INSC: variants seen among roughly 807,000 people sequenced by gnomAD.
INSC encodes the protein protein inscuteable homolog.
Under a neutral mutation model 58.6 loss-of-function variants are expected in INSC, and 67 were observed. The observed-to-expected ratio is 1.14, with a 90% confidence interval of 0.94 to 1.40. The LOEUF (loss-of-function observed/expected upper bound fraction) is 1.40. Ranked by LOEUF, INSC falls within the 40% of genes most tolerant of loss-of-function variation. The probability of loss-of-function intolerance (pLI) is 0.00; values close to 1 mark genes in which losing one functional copy is unlikely to be tolerated. For synonymous variants in INSC, 262 were observed against 276.1 expected (o/e 0.95, Z 0.51); for missense variants, 714 against 692.0 (o/e 1.03, Z -0.36).
chr11:15,248,513 G>A (rs1283371191), downstream of INSC, among the ~76,000 whole-genome samples: 1 of 152,190 alleles, frequency 6.6e-6, no homozygotes, highest in African/African-American at 2.4e-5. Flanking sequence ...CACTGATCTA[G>A]TTTAATACTA....
intron 1 of INSC, among the ~76,000 whole-genome samples, chr11:15,118,985 G>A (rs1590325116): frequency 6.6e-6 from 1 of 152,164 alleles, no homozygotes; most frequent in Non-Finnish European, 1.5e-5. Flanking sequence ...CTAGCCCAAG[G>A]TCAGAGCTAG....
intron 5 of INSC, among the ~76,000 whole-genome samples, chr11:15,182,499 G>A (rs1162211861): frequency 6.6e-6 from 1 of 152,056 alleles, no homozygotes; most frequent in African/African-American, 2.4e-5. Context: ...CTCATTGACG[G>A]GCATTTGAAC....
chr11:15,213,737 C>A (rs1851113454), intron 7 of INSC, among the ~76,000 whole-genome samples: 1 of 152,184 alleles, frequency 6.6e-6, no homozygotes, highest in Non-Finnish European at 1.5e-5. Flanking sequence ...GTTGTATAAT[C>A]CCTTTCATTC....
chr11:15,245,663 G>T (rs1852534147), intron 12 of INSC, among the ~76,000 whole-genome samples: 1 of 152,174 alleles, frequency 6.6e-6, no homozygotes, highest in Admixed American at 6.6e-5. Flanking sequence ...ATTATTAACA[G>T]CTTTCAGATG....
chr11:15,118,026 C>T (rs1847774975), intron 1 of INSC, among the ~76,000 whole-genome samples: 1 of 152,218 alleles, frequency 6.6e-6, no homozygotes, highest in Non-Finnish European at 1.5e-5. Flanking sequence ...GGCCCTGGCC[C>T]CGCAGCCACC....
At chr11:15,121,878 G>C (rs141677221) in intron 1 of INSC, among the ~76,000 whole-genome samples, 100 of 152,126 alleles carry the variant, frequency 6.6e-4, no homozygotes, top group Non-Finnish European at 1.3e-3. Context: ...GGCTCTGCAA[G>C]CTGGCTTTCT....
At chr11:15,113,621 C>T (rs1005384454), upstream of INSC, among the ~76,000 whole-genome samples, 6 of 152,122 alleles carry the variant, frequency 3.9e-5, no homozygotes, top group African/African-American at 1.4e-4. Context: ...GAACTGAGGC[C>T]CCTCTCAGGG....
chr11:15,151,146 G>A (rs1255542706), intron 2 of INSC, among the ~76,000 whole-genome samples: 1 of 152,184 alleles, frequency 6.6e-6, no homozygotes, highest in Non-Finnish European at 1.5e-5. Flanking sequence ...AGCAGGAGGT[G>A]AGTGGCCGGC....
the INSC span, among the ~76,000 whole-genome samples, chr11:15,265,794 G>T: frequency 7.0e-6 from 1 of 143,018 alleles, no homozygotes; most frequent in South Asian, 2.2e-4. Context: ...GGTATGGTAG[G>T]TATTTTCAGG....
At chr11:15,207,254 G>C (rs1350679906) in intron 7 of INSC, among the ~76,000 whole-genome samples, 1 of 152,188 alleles carries the variant, frequency 6.6e-6, no homozygotes, top group African/African-American at 2.4e-5. Flanking sequence ...AGAACTGAAA[G>C]ACCAGAGACG....
intron 2 of INSC, among the ~76,000 whole-genome samples, chr11:15,166,982 T>C (rs1323647916): frequency 6.6e-6 from 1 of 152,192 alleles, no homozygotes; most frequent in Non-Finnish European, 1.5e-5. Context: ...AAATAATGCA[T>C]GATAAGTGCA....
At chr11:15,135,453 G>C (rs1355748804) in intron 1 of INSC, among the ~76,000 whole-genome samples, 1 of 152,206 alleles carries the variant, frequency 6.6e-6, no homozygotes, top group Non-Finnish European at 1.5e-5. Context: ...GATTTGCTGA[G>C]AATGATTGTG....
At chr11:15,177,846 C>T (rs1331074554) in intron 4 of INSC, among the ~76,000 whole-genome samples, 1 of 152,104 alleles carries the variant, frequency 6.6e-6, no homozygotes, top group Non-Finnish European at 1.5e-5. Flanking sequence ...CTCTGTTTTT[C>T]TTGTCTGGGA....
At chr11:15,133,219 G>A (rs188019696) in intron 1 of INSC, among the ~76,000 whole-genome samples, 356 of 152,180 alleles carry the variant, frequency 2.3e-3, no homozygotes, top group African/African-American at 8.1e-3. Context: ...TCTGGACTGC[G>A]TCTTGGTTAA....
At chr11:15,221,310 G>A (rs1345851580) in intron 7 of INSC, among the ~76,000 whole-genome samples, 167 bp from the exon 8 acceptor site, 1 of 152,092 alleles carries the variant, frequency 6.6e-6, no homozygotes, top group African/African-American at 2.4e-5. Context: ...CATTATGAGG[G>A]CCTTATCACT....
At chr11:15,268,328 A>G in the INSC span, among the ~76,000 whole-genome samples, 1 of 152,048 alleles carries the variant, frequency 6.6e-6, no homozygotes, top group African/African-American at 2.4e-5. Context: ...TAAAGAAACT[A>G]CTTTAGTCAG....
chr11:15,232,335 C>G (rs942180795), intron 9 of INSC, among the ~76,000 whole-genome samples: 1 of 152,140 alleles, frequency 6.6e-6, no homozygotes, highest in Middle Eastern at 3.2e-3. Context: ...TTCTCCTGCC[C>G]AGAGCGAGCC....
intron 7 of INSC, among the ~76,000 whole-genome samples, chr11:15,203,688 A>G (rs1387770631): frequency 6.6e-6 from 1 of 152,250 alleles, no homozygotes; most frequent in African/African-American, 2.4e-5. Context: ...TGCTGGGAGT[A>G]TAACAGTGAA....
At chr11:15,177,874 C>G (rs968677055) in intron 4 of INSC, among the ~76,000 whole-genome samples, 5 of 152,186 alleles carry the variant, frequency 3.3e-5, no homozygotes. Flanking sequence ...TCTCAAGGCT[C>G]TCTGCACACT....
Sources: allele counts gnomAD v4.1 joint callset (sites outside exome capture counted in the v4.1 genomes callset), GRCh38; gene constraint gnomAD v4.1.1; transcripts MANE v1.5; gene names NCBI Gene and HGNC (gene_info 2026-07-23, HGNC 2026-07-21).